GLYATL2: variants seen among roughly 807,000 people sequenced by gnomAD.
GLYATL2 encodes glycine-N-acyltransferase like 2.
GLYATL2 carries 25 observed loss-of-function variants against 21.4 expected under a neutral mutation model. The ratio of observed to expected loss-of-function variants is 1.17; its 90% confidence interval spans 0.85 to 1.63. GLYATL2 has a LOEUF of 1.63. GLYATL2 is among the 40% of genes most tolerant of loss of function. The probability of loss-of-function intolerance (pLI) is 0.00; values close to 1 mark genes in which losing one functional copy is unlikely to be tolerated. For missense variants in GLYATL2, 361 were observed against 343.3 expected (o/e 1.05, Z -0.41); for synonymous variants, 114 against 118.2 (o/e 0.96, Z 0.23).
At position 58,834,333 on chromosome 11, in the gene GLYATL2, T is replaced by A. The variant is rs879193172; in HGVS notation, c.*96A>T. On this transcript the variant is annotated 3_prime_UTR_variant, in exon 6 of 6. Transcript: ENST00000287275. Reference sequence around the variant, plus strand: ...TAAGTAATACACAGATCCTAGATAATCAGTTGCATTTTGTGCTAATGTAGA... The same window carrying A: ...TAAGTAATACACAGATCCTAGATAAACAGTTGCATTTTGTGCTAATGTAGA... 6.4e-6 allele frequency: 6 copies of A among 935,760 alleles called. No homozygotes were observed. In the South Asian group the frequency reaches 1.1e-4, roughly 16 times the overall value. 58.0% of individuals were successfully genotyped at this position (935,760 alleles called of 1,614,324 possible). A position where few individuals can be genotyped will look rare whatever the true frequency, so the allele number is the denominator to read the frequency against.
At chr11:58,835,481 T>A (rs1294668313) in intron 5 of GLYATL2, among the ~76,000 whole-genome samples, 3 of 152,214 alleles carry the variant, frequency 2.0e-5, no homozygotes, top group African/African-American at 7.2e-5. Flanking sequence ...CTTGGTTTTC[T>A]TGCTTGTGAA....
intron 1 of GLYATL2, among the ~76,000 whole-genome samples, chr11:58,860,454 ATCTT>A (rs890731617): frequency 2.6e-5 from 4 of 152,078 alleles, no homozygotes; most frequent in African/African-American, 9.7e-5. Context: ...TTCATTTTGT[ATCTT>A]GCCACATTAC....
At chr11:58,880,302 A>G (rs183408369) in intron 1 of GLYATL2, among the ~76,000 whole-genome samples, 4 of 152,320 alleles carry the variant, frequency 2.6e-5, no homozygotes, top group African/African-American at 9.6e-5. Flanking sequence ...GGATGGGGTC[A>G]TAAGAGCAAT....
intron 1 of GLYATL2, among the ~76,000 whole-genome samples, chr11:58,886,639 T>C (rs904317088): frequency 2.6e-5 from 4 of 152,230 alleles, no homozygotes; most frequent in Non-Finnish European, 4.4e-5. Context: ...TTGGCCATTG[T>C]TGGCTGAGGA....
intron 1 of GLYATL2, among the ~76,000 whole-genome samples, chr11:58,861,175 C>T (rs1322278578): frequency 2.6e-5 from 4 of 151,906 alleles, no homozygotes; most frequent in Non-Finnish European, 5.9e-5. Context: ...GACATTAGTT[C>T]TTCTTTAAAT....
At chr11:58,839,858 T>C (rs541797016) in intron 1 of GLYATL2, among the ~76,000 whole-genome samples, 1 of 146,634 alleles carries the variant, frequency 6.8e-6, no homozygotes, top group African/African-American at 2.5e-5. Context: ...GTAATCTCCA[T>C]ACAATTCCAC....
intron 1 of GLYATL2, among the ~76,000 whole-genome samples, chr11:58,851,660 G>C (rs61413992): frequency 6.6e-6 from 1 of 152,316 alleles, no homozygotes; most frequent in African/African-American, 2.4e-5. Context: ...CCAGACATCT[G>C]AGAGACATGA....
At chr11:58,902,678 G>A (rs1854760294) in intron 1 of GLYATL2, among the ~76,000 whole-genome samples, 1 of 152,124 alleles carries the variant, frequency 6.6e-6, no homozygotes, top group Admixed American at 6.5e-5. Context: ...TCTTCTTTGT[G>A]GGTTTGACTA....
At chr11:58,842,519 T>TGTGCGC (rs1491170226) in intron 1 of GLYATL2, among the ~76,000 whole-genome samples, 1 of 133,832 alleles carries the variant, frequency 7.5e-6, no homozygotes, top group African/African-American at 2.8e-5. Flanking sequence ...TGTGTGTGTG[T>TGTGCGC]GCGCCCTGTG....
intron 1 of GLYATL2, among the ~76,000 whole-genome samples, chr11:58,858,920 C>T (rs1335433198): frequency 6.6e-6 from 1 of 152,180 alleles, no homozygotes; most frequent in Non-Finnish European, 1.5e-5. Flanking sequence ...ATTTGATCTC[C>T]AAACCAGATA....
chr11:58,875,351 T>C (rs542590131), intron 1 of GLYATL2, among the ~76,000 whole-genome samples: 72 of 152,362 alleles, frequency 4.7e-4, no homozygotes, highest in Admixed American at 3.3e-3. Flanking sequence ...GCTGGTTATT[T>C]TGCTTGTTAG....
rs529701351 is a variant in GLYATL2 at position 58,873,600 on chromosome 11, G to A, written n.60+30556C>T. ...TACTGGATTACGTTTATTGATTTGAGTATGTTGAACCAGCCTTGCATCCCA... is the reference window on the plus strand; with the variant it reads ...TACTGGATTACGTTTATTGATTTGAATATGTTGAACCAGCCTTGCATCCCA... On this transcript the variant is annotated intron_variant and non_coding_transcript_variant, in intron 1 of 4. Coordinates refer to the GLYATL2 transcript ENST00000533636. 6.9e-3 allele frequency among the ~76,000 whole-genome samples: 1,047 copies of A among 152,234 alleles called. 10 individuals carry two copies. The highest frequency in any genetic ancestry group is 0.024 in the African/African-American group (998 of 41,528).
upstream of GLYATL2, among the ~76,000 whole-genome samples, chr11:58,846,461 A>C: frequency 6.6e-6 from 1 of 152,166 alleles, no homozygotes; most frequent in South Asian, 2.1e-4. Context: ...TGAATCACCA[A>C]TCCCCATCCC....
intron 1 of GLYATL2, among the ~76,000 whole-genome samples, chr11:58,877,529 G>T (rs1309105172): frequency 6.6e-6 from 1 of 152,192 alleles, no homozygotes; most frequent in Non-Finnish European, 1.5e-5. Flanking sequence ...GCAAAATTAA[G>T]AAATTGGGGA....
chr11:58,847,419 C>T (rs112023868), upstream of GLYATL2, among the ~76,000 whole-genome samples: 5,158 of 152,292 alleles, frequency 0.034, 133 homozygotes, highest in Middle Eastern at 0.075. Context: ...CAGGACTTAG[C>T]TCTTGAACAG....
intron 1 of GLYATL2, among the ~76,000 whole-genome samples, chr11:58,841,372 C>A (rs945252639): frequency 2.6e-5 from 4 of 151,674 alleles, no homozygotes; most frequent in Non-Finnish European, 5.9e-5. Context: ...TTATTTGAGT[C>A]TCTGCCTCAG....
chr11:58,877,921 A>G (rs1854267288), intron 1 of GLYATL2, among the ~76,000 whole-genome samples: 1 of 152,228 alleles, frequency 6.6e-6, no homozygotes, highest in Non-Finnish European at 1.5e-5. Context: ...TAGTCAGACA[A>G]AATTGAAAAC....
intron 1 of GLYATL2, among the ~76,000 whole-genome samples, chr11:58,855,646 T>C (rs961750644): frequency 6.6e-6 from 1 of 152,216 alleles, no homozygotes; most frequent in African/African-American, 2.4e-5. Context: ...AAGTTAGGCA[T>C]TGTCTTCCCC....
intron 1 of GLYATL2, among the ~76,000 whole-genome samples, chr11:58,856,742 G>A (rs1313281762): frequency 6.6e-6 from 1 of 152,188 alleles, no homozygotes; most frequent in African/African-American, 2.4e-5. Flanking sequence ...TTATATGGGT[G>A]CAGTTTGTGG....
Sources: gnomAD v4.1 joint callset for allele counts (sites outside exome capture counted in the v4.1 genomes callset) on GRCh38, gnomAD v4.1.1 for gene constraint, MANE v1.5 for transcripts, NCBI Gene and HGNC (gene_info 2026-07-23, HGNC 2026-07-21) for gene names.